ASAP1: variants seen among roughly 807,000 people sequenced by gnomAD.
ASAP1 encodes the protein arf-GAP with SH3 domain, ANK repeat and PH domain-containing protein 1.
A neutral mutation model predicts 145.2 loss-of-function variants in ASAP1; 43 were observed. That is an observed-to-expected ratio of 0.30 (90% CI 0.23 to 0.38). ASAP1 has a LOEUF of 0.38. Among genes scored for constraint, ASAP1 ranks in the 10% least tolerant of loss-of-function variants. The pLI, the probability that ASAP1 is intolerant of heterozygous loss-of-function variation, is 1.00. For missense variants in ASAP1, 1,018 were observed against 1,355.3 expected, an observed-to-expected ratio of 0.75 and a Z score of 3.91; for synonymous variants, 546 against 515.5, an observed-to-expected ratio of 1.06 and a Z score of -0.80.
At chr8:130,161,256 C>T (rs114389314) in intron 11 of ASAP1, among the ~76,000 whole-genome samples, 4,023 of 152,126 alleles carry the variant, frequency 0.026, 64 homozygotes, top group African/African-American at 0.042. Context: ...ATAAACAACA[C>T]CTGAAATGTG....
At chr8:130,188,756 G>T (rs372090741) in intron 5 of ASAP1, among the ~76,000 whole-genome samples, 71 of 127,236 alleles carry the variant, frequency 5.6e-4, no homozygotes, top group African/African-American at 1.8e-3. Context: ...GAAAAGAAAA[G>T]AAAATTGAAT....
intron 26 of ASAP1, among the ~76,000 whole-genome samples, chr8:130,077,486 C>T (rs1330530574): frequency 6.6e-6 from 1 of 150,842 alleles, no homozygotes; most frequent in Admixed American, 6.6e-5. Context: ...ATTATCTCAT[C>T]TCTCCATTTC....
chr8:130,074,957 G>A (rs1270675595), intron 27 of ASAP1, among the ~76,000 whole-genome samples: 2 of 152,196 alleles, frequency 1.3e-5, no homozygotes, highest in Admixed American at 1.3e-4. Context: ...TGACTTTGGT[G>A]ATGGGCTGAC....
intron 27 of ASAP1, among the ~76,000 whole-genome samples, chr8:130,063,208 C>T (rs948235802): frequency 1.3e-5 from 2 of 151,844 alleles, no homozygotes; most frequent in African/African-American, 4.8e-5. Context: ...ACAGGGTCTC[C>T]CTCTGTTACT....
intron 25 of ASAP1, among the ~76,000 whole-genome samples, chr8:130,087,152 G>A (rs1592768430): frequency 6.6e-6 from 1 of 152,154 alleles, no homozygotes; most frequent in African/African-American, 2.4e-5. Context: ...CTCTGCAAAG[G>A]AGCTGAATGT....
intron 3 of ASAP1, chr8:130,340,847 G>A (rs190609417): frequency 1.4e-4 from 63 of 453,860 alleles, no homozygotes; most frequent in Admixed American, 1.3e-3. Context: ...AATACCTTGT[G>A]ACTCTTATGA....
At chr8:130,287,559 C>A (rs574198972) in intron 3 of ASAP1, among the ~76,000 whole-genome samples, 13 of 152,212 alleles carry the variant, frequency 8.5e-5, no homozygotes, top group Admixed American at 3.3e-4. Context: ...CAGTTCAATG[C>A]GATGATGGGG....
intron 11 of ASAP1, among the ~76,000 whole-genome samples, chr8:130,163,720 A>G (rs556378784): frequency 1.3e-4 from 20 of 152,358 alleles, no homozygotes; most frequent in East Asian, 3.8e-4. Context: ...AAACTGACAC[A>G]CTGAAGGAAT....
chr8:130,059,409 C>T (rs1016594184), intron 28 of ASAP1, among the ~76,000 whole-genome samples: 5 of 152,140 alleles, frequency 3.3e-5, no homozygotes, highest in South Asian at 2.1e-4. Context: ...AAGGGAACCT[C>T]GCACTTTGGC....
intron 25 of ASAP1, among the ~76,000 whole-genome samples, chr8:130,088,299 T>C (rs1024272491): frequency 6.6e-6 from 1 of 151,926 alleles, no homozygotes; most frequent in East Asian, 1.9e-4. Context: ...CCCAGCTAAT[T>C]TTGTATTTTT....
At chr8:130,265,392 A>G (rs1820179718) in intron 3 of ASAP1, among the ~76,000 whole-genome samples, 1 of 151,064 alleles carries the variant, frequency 6.6e-6, no homozygotes, top group Admixed American at 6.6e-5. Flanking sequence ...GTAACATAGC[A>G]AGACCTCATC....
At chr8:130,254,826 T>C (rs1819411695) in intron 3 of ASAP1, among the ~76,000 whole-genome samples, 2 of 152,036 alleles carry the variant, frequency 1.3e-5, no homozygotes, top group African/African-American at 2.4e-5. Context: ...TGAATGAGTT[T>C]TTCTTAAGTA....
intron 3 of ASAP1, among the ~76,000 whole-genome samples, chr8:130,283,987 T>C (rs551559817): frequency 6.6e-6 from 1 of 152,268 alleles, no homozygotes; most frequent in South Asian, 2.1e-4. Flanking sequence ...TTGCACTGAC[T>C]GTATCCACAA....
At chr8:130,357,571 G>A (rs187184218) in intron 3 of ASAP1, among the ~76,000 whole-genome samples, 6 of 152,340 alleles carry the variant, frequency 3.9e-5, no homozygotes, top group African/African-American at 1.2e-4. Flanking sequence ...CGCCTGCCTG[G>A]TCCAGTCGGG....
chr8:130,077,623 G>A lies in ASAP1; in HGVS notation c.2643-1217C>T, dbSNP rs576504653. ...TGCAGTGGCACGATCTCAGCTCACT[G>A]CAACCTCTGCTTCCCGGGATCAAGC... is the stretch of plus-strand genomic sequence containing the variant. On this transcript the variant is annotated intron_variant, in intron 26 of 29. Transcript: ENST00000518721. Among the ~76,000 whole-genome samples, 3 of 132,330 alleles carry A rather than the reference G, an allele frequency of 2.3e-5. No homozygotes were observed. In the South Asian group the frequency reaches 7.3e-4, roughly 32 times the overall value. The allele number at this position is 132,330 out of a possible 152,430, so 86.8% of individuals were successfully genotyped here.
In ASAP1 at chr8:130,111,562, A is replaced by G. The variant is rs140219526; in HGVS notation, c.2401+532T>C. 2.6e-3 allele frequency among the ~76,000 whole-genome samples: 398 copies of G among 152,296 alleles called. 1 individual carries two copies. The highest frequency in any genetic ancestry group is 9.1e-3 in the African/African-American group (380 of 41,548). On this transcript the variant is annotated intron_variant, in intron 24 of 29. Transcript: ENST00000518721. ...CTACCTCATTTTGAGATGATTACAA[A>G]AGAAGTACTAGGCGTAGAGCCTCTC... is the stretch of plus-strand genomic sequence containing the variant.
Position 130,092,055 on chromosome 8 carries a change from T to C in ASAP1, c.2490A>G (p.Pro830=). Residue 830 remains proline, a synonymous_variant, in exon 25 of 30, where the codon CCA becomes CCG. Transcript: ENST00000518721. ...ATAGGGTTCTCTTGTGTCCGGGTGG[T>C]GGGGGAGGAGGCCTCTTCTTGGATA... ...STLSKKRPPP[P]PPGHKRTLSD... The C allele has an allele frequency of 6.4e-7, 1 of 1,571,812 alleles. No homozygotes were observed. Among genetic ancestry groups the C allele is most frequent in the Non-Finnish European group, 8.6e-7 (1 of 1,163,902 alleles).
chr8:130,314,162 G>A lies in ASAP1; in HGVS notation c.186+43855C>T, dbSNP rs539050630. 2.3e-4 allele frequency among the ~76,000 whole-genome samples: 35 copies of A among 152,296 alleles called. 1 individual carries two copies. In the South Asian group the frequency reaches 7.2e-3, roughly 32 times the overall value. ...CTCTCACTTGGGGTCAAAAAGGTAA[G>A]CTTCCTCCCCCCACTTACACCCCAC... On this transcript the variant is annotated intron_variant, in intron 3 of 29. Transcript: ENST00000518721.
intron 23 of ASAP1, among the ~76,000 whole-genome samples, chr8:130,114,276 T>C (rs758868953): frequency 1.3e-5 from 2 of 152,192 alleles, no homozygotes; most frequent in African/African-American, 4.8e-5. Context: ...CTAGGCTATA[T>C]GGTATAGCCT....
Sources: allele counts gnomAD v4.1 joint callset (sites outside exome capture counted in the v4.1 genomes callset), GRCh38; gene constraint gnomAD v4.1.1; transcripts MANE v1.5; gene names NCBI Gene and HGNC (gene_info 2026-07-23, HGNC 2026-07-21).